The following PELI3 variants were observed in gnomAD, a reference collection of about 807,000 sequenced individuals.
PELI3 encodes the protein E3 ubiquitin-protein ligase pellino homolog 3.
In PELI3, 19 loss-of-function variants were observed where a neutral mutation model predicts 35.5. The observed-to-expected ratio is 0.54, with a 90% CI of 0.37 to 0.79. PELI3 has a LOEUF of 0.79. Among genes scored for constraint, PELI3 ranks in the 30% least tolerant of loss-of-function variants. The pLI is 0.00. For missense variants in PELI3, 490 were observed against 661.2 expected (o/e 0.74, Z 2.84); for synonymous variants, 262 against 279.2 (o/e 0.94, Z 0.62).
chr11:66,475,988 C>CCT lies in PELI3; in HGVS notation c.1232_1233dup (p.Ser412LeufsTer165). 1 of 1,612,172 alleles carries CCT rather than the reference C, an allele frequency of 6.2e-7. No homozygotes were observed. Among genetic ancestry groups the CCT allele is most frequent in the Non-Finnish European group, 8.5e-7 (1 of 1,179,838 alleles). ...CGGCCTCTGCCTGGACCCTGGGCCG[C>CCT]CTAGCCATGCCTTTGCACCTTGCGG... On this transcript the variant is annotated frameshift_variant, in exon 8 of 8. Coordinates refer to ENST00000320740, the MANE Select transcript of PELI3 (RefSeq NM_145065.3). LOFTEE classifies it high-confidence loss of function.
intron 3 of PELI3, 122 bp downstream of exon 3, chr11:66,469,026 C>CA: frequency 3.7e-6 from 2 of 540,938 alleles, no homozygotes; most frequent in Non-Finnish European, 3.4e-6. Flanking sequence ...AGAGAGGAAG[C>CA]AACGTGATCT....
At position 66,472,459 on chromosome 11, in the gene PELI3, G is replaced by C. The variant is rs1478011134; in HGVS notation, c.445G>C (p.Asp149His). Residue 149 changes from aspartate to histidine, a missense_variant, in exon 5 of 8, where the codon GAC (aspartate) becomes CAC (histidine). By Grantham distance (81) the Asp-to-His change is moderately conservative (BLOSUM62 -1). This residue lies in a region of PELI3 where 349 missense variants were observed against 484.8 expected (regional missense o/e 0.72). Transcript: ENST00000320740. The stretch of plus-strand genomic sequence containing the variant: ...GGAGTATACACATGATAGCGACACA[G>C]ACATGTTCCAGGTATGCTCAGGCCT... Reference protein sequence around the residue: ...IVEYTHDSDTDMFQIGRSTEN... With the variant: ...IVEYTHDSDTHMFQIGRSTEN... 1 of 1,613,944 alleles carries C rather than the reference G, an allele frequency of 6.2e-7. No homozygotes were observed. The highest frequency in any genetic ancestry group is 1.7e-5 in the Admixed American group (1 of 60,014).
Position 66,469,021 on chromosome 11 carries a change from G to C in PELI3, c.224+117G>C. ...ATGAGAAAGCCAAGGCCAGGAGAGA[G>C]GAAGCAACGTGATCTGGCGGCCTGG... On this transcript the variant is annotated intron_variant, in intron 3 of 7. Transcript: ENST00000320740. The C allele has an allele frequency of 3.7e-6, 2 of 545,250 alleles. 1 individual carries two copies. The highest frequency in any genetic ancestry group is 4.2e-5 in the South Asian group (2 of 47,426). 33.8% of individuals were successfully genotyped at this position (545,250 alleles called of 1,614,324 possible). A position where few individuals can be genotyped will look rare whatever the true frequency, so the allele number is the denominator to read the frequency against.
Position 66,467,987 on chromosome 11 carries a change from G to T in PELI3, c.-1-141G>T. 1 of 1,046,420 alleles carries T rather than the reference G, an allele frequency of 9.6e-7. No individual in the cohort carries two copies. The highest frequency in any genetic ancestry group is 1.7e-5 in the African/African-American group (1 of 59,858). The allele number at this position is 1,046,420 out of a possible 1,614,324, so 64.8% of individuals were successfully genotyped here. A position where few individuals can be genotyped will look rare whatever the true frequency, so the allele number is the denominator to read the frequency against. ...CTCGGGCAGTTTAGAGGAGGCAGAG[G>T]GGAAGTGGTTGCCATAGCAGTAGAG... On this transcript the variant is annotated intron_variant, in intron 1 of 7. Transcript: ENST00000320740. The surrounding 1 kb of genome is among the most constrained non-coding windows in gnomAD (Gnocchi z 4.2).
In PELI3 at chr11:66,476,174, T is replaced by A. The variant is rs1171170901; in HGVS notation, c.*7T>A. On this transcript the variant is annotated 3_prime_UTR_variant, in exon 8 of 8. Coordinates refer to ENST00000320740, the MANE Select transcript of PELI3 (RefSeq NM_145065.3). ...CCAGGGCCCGCTGGATTAGGCTCCC[T>A]GGGGCCCCCTGCTGCTGTGCCCACC... The A allele has an allele frequency of 7.8e-6, 12 of 1,535,844 alleles. No individual in the cohort carries two copies. The highest frequency in any genetic ancestry group is 9.6e-6 in the Non-Finnish European group (11 of 1,146,364).
At chr11:66,475,091 TGA>T in intron 7 of PELI3, 5 of 159,956 alleles carry the variant, frequency 3.1e-5, no homozygotes, top group Non-Finnish European at 5.4e-5. Flanking sequence ...CAGTCCATCT[TGA>T]GGATGAGGAA....
rs779569441 is a variant in PELI3, at chr11:66,472,481, G to C, written c.456+11G>C. On this transcript the variant is annotated intron_variant, in intron 5 of 7. Coordinates refer to ENST00000320740, the MANE Select transcript of PELI3 (RefSeq NM_145065.3). Reference sequence around the variant, plus strand: ...ACAGACATGTTCCAGGTATGCTCAGGCCTCTCCACACACCTCCTGGCCACC... The same window carrying C: ...ACAGACATGTTCCAGGTATGCTCAGCCCTCTCCACACACCTCCTGGCCACC... 3.7e-6 allele frequency: 6 copies of C among 1,608,656 alleles called. No homozygotes were observed. In the South Asian group the frequency reaches 5.5e-5, roughly 15 times the overall value.
At position 66,476,927 on chromosome 11, in the gene PELI3, T is replaced by C. The variant is rs1195409774; in HGVS notation, c.*760T>C. 1 of 152,192 alleles carries C rather than the reference T, an allele frequency of 6.6e-6. No individual in the cohort carries two copies. Among genetic ancestry groups the C allele is most frequent in the African/African-American group, 2.4e-5 (1 of 41,396 alleles). 9.4% of individuals were successfully genotyped at this position (152,192 alleles called of 1,614,324 possible). On this transcript the variant is annotated 3_prime_UTR_variant, in exon 8 of 8. Coordinates refer to ENST00000320740, the MANE Select transcript of PELI3 (RefSeq NM_145065.3). ...GGGAGGCTTCACGGAGGAGGTGTCA[T>C]AGGAGCTCAGCCTCAACGGCTGCTC...
Position 66,476,198 on chromosome 11 carries a change from C to G in PELI3, c.*31C>G, listed in dbSNP as rs1383280534. ...CTGGGGCCCCCTGCTGCTGTGCCCA[C>G]CTGCCCACCCAGGTCCCCACCTCCT... On this transcript the variant is annotated 3_prime_UTR_variant, in exon 8 of 8. Coordinates refer to ENST00000320740, the MANE Select transcript of PELI3 (RefSeq NM_145065.3). The G allele has an allele frequency of 1.3e-6, 2 of 1,517,702 alleles. No individual in the cohort carries two copies. The highest frequency in any genetic ancestry group is 1.8e-6 in the Non-Finnish European group (2 of 1,135,672). 94.0% of individuals were successfully genotyped at this position (1,517,702 alleles called of 1,614,324 possible).
At chr11:66,468,492 A>G (rs981127520) in intron 2 of PELI3, among the ~76,000 whole-genome samples, 2 of 152,152 alleles carry the variant, frequency 1.3e-5, no homozygotes, top group African/African-American at 4.8e-5. Flanking sequence ...GACAACTCTA[A>G]CCACCCAACT....
intron 3 of PELI3, among the ~76,000 whole-genome samples, chr11:66,469,801 TTTG>T (rs1276487896): frequency 2.1e-5 from 3 of 143,806 alleles, no homozygotes; most frequent in African/African-American, 5.2e-5. Context: ...GTTTTTTTTT[TTTG>T]TTTTTTTTTT....
chr11:66,475,863 ACGGCTGGGG>A lies in PELI3; in HGVS notation c.1108_1116del (p.Gly370_Gly372del). The A allele has an allele frequency of 6.2e-7, 1 of 1,606,476 alleles. No individual in the cohort carries two copies. Among genetic ancestry groups the A allele is most frequent in the South Asian group, 1.1e-5 (1 of 90,572 alleles). On this transcript the variant is annotated inframe_deletion, in exon 8 of 8. Transcript: ENST00000320740. The stretch of plus-strand genomic sequence containing the variant: ...CGCTGCGGGCACGTCCATGGCTACC[ACGGCTGGGG>A]CTGCCGGCGGGAGCGGGGCCCCCAG...
intron 7 of PELI3, chr11:66,474,137 T>C (rs1322229812): frequency 1.1e-5 from 8 of 709,554 alleles, no homozygotes; most frequent in African/African-American, 1.8e-5. Flanking sequence ...AAGCATAGCA[T>C]GCATACCACT....
chr11:66,468,359 C>T, intron 2 of PELI3, 79 bp downstream of exon 2: 2 of 1,337,210 alleles, frequency 1.5e-6, no homozygotes, highest in South Asian at 4.0e-5. Context: ...GACCCCTCCT[C>T]CCCCCACATA....
chr11:66,476,513 AGGCT>A lies in PELI3; in HGVS notation c.*351_*354del. The A allele has an allele frequency of 6.3e-6, 2 of 315,024 alleles. No individual in the cohort carries two copies. The highest frequency in any genetic ancestry group is 8.7e-5 in the South Asian group (2 of 22,916). 19.5% of individuals were successfully genotyped at this position (315,024 alleles called of 1,614,324 possible). ...GCCAGGGGCCTTTGACCCCCAGCTT[AGGCT>A]GGCTATGCCCTGAGCCTGCCAACCC... On this transcript the variant is annotated 3_prime_UTR_variant, in exon 8 of 8. Coordinates refer to ENST00000320740, the MANE Select transcript of PELI3 (RefSeq NM_145065.3).
In PELI3 at chr11:66,476,314, A is replaced by C; in HGVS notation, c.*147A>C. 1 of 900,444 alleles carries C rather than the reference A, an allele frequency of 1.1e-6. No individual in the cohort carries two copies. Among genetic ancestry groups the C allele is most frequent in the Non-Finnish European group, 1.6e-6 (1 of 612,320 alleles). 55.8% of individuals were successfully genotyped at this position (900,444 alleles called of 1,614,324 possible). ...TTGGATGGGCTGTGCCCTTCCCCCC[A>C]ACTGTGGCCCCCCAAGGAGGTCCCC... On this transcript the variant is annotated 3_prime_UTR_variant, in exon 8 of 8. Coordinates refer to ENST00000320740, the MANE Select transcript of PELI3 (RefSeq NM_145065.3).
At chr11:66,474,058 A>G (rs754565113) in intron 7 of PELI3, 133 bp downstream of exon 7, 1 of 1,194,248 alleles carries the variant, frequency 8.4e-7, no homozygotes, top group South Asian at 1.3e-5. Flanking sequence ...ATATCAGGGA[A>G]TCCCAGGCCC....
Position 66,476,122 on chromosome 11 carries a change from C to A in PELI3, c.1365C>A (p.Gly455=). ...CCTTTTGCGGGGCCTGGCTTACCGGCGAGCATGGCTGCGTCCGCCTCATTT... is the reference window on the plus strand; with the variant it reads ...CCTTTTGCGGGGCCTGGCTTACCGGAGAGCATGGCTGCGTCCGCCTCATTT... The part of the protein sequence containing the change: ...ACPFCGAWLT[G]EHGCVRLIFQ... The change falls in exon 8 of 8, where the codon GGC becomes GGA. Residue 455 remains glycine (G), a synonymous_variant. Transcript: ENST00000320740. 6 of 1,587,304 alleles carry A rather than the reference C, an allele frequency of 3.8e-6. No individual in the cohort carries two copies. The highest frequency in any genetic ancestry group is 5.1e-6 in the Non-Finnish European group (6 of 1,171,086).
chr11:66,471,185 T>A, intron 3 of PELI3, 57 bp from the exon 4 acceptor site: 1 of 1,540,552 alleles, frequency 6.5e-7, no homozygotes. Flanking sequence ...GGGTTCACTT[T>A]CTCTCTTTCT....
Sources: gnomAD v4.1 joint callset for allele counts (sites outside exome capture counted in the v4.1 genomes callset) on GRCh38, gnomAD v4.1.1 for gene constraint, gnomAD v4.1.1 regional missense constraint, Gnocchi (gnomAD v3.1) non-coding constraint, MANE v1.5 for transcripts, NCBI Gene and HGNC (gene_info 2026-07-23, HGNC 2026-07-21) for gene names.